MIR2052HG: variants seen among roughly 807,000 people sequenced by gnomAD.
The protein encoded by MIR2052HG is MIR2052 host gene.
chr8:74,603,506 T>C, intron 1 of MIR2052HG: 2 of 1,567,470 alleles, frequency 1.3e-6, no homozygotes, highest in Non-Finnish European at 1.8e-6. Flanking sequence ...TCGTTTGGAA[T>C]GGTAAGTTCA....
chr8:74,663,442 G>T (rs1808888448), intron 2 of MIR2052HG, among the ~76,000 whole-genome samples: 1 of 152,218 alleles, frequency 6.6e-6, no homozygotes, highest in Non-Finnish European at 1.5e-5. Flanking sequence ...AACTAAAATA[G>T]AATTCATGGT....
At chr8:74,637,925 A>C (rs190075563) in intron 2 of MIR2052HG, among the ~76,000 whole-genome samples, 10 of 152,134 alleles carry the variant, frequency 6.6e-5, no homozygotes, top group African/African-American at 2.4e-4. Flanking sequence ...TATGTGTTTG[A>C]CTCTAGGGAT....
At chr8:74,682,132 A>C (rs1809132144) in intron 2 of MIR2052HG, among the ~76,000 whole-genome samples, 1 of 152,172 alleles carries the variant, frequency 6.6e-6, no homozygotes, top group African/African-American at 2.4e-5. Flanking sequence ...CATGTTGTAC[A>C]CCTGAAATAC....
intron 4 of MIR2052HG, among the ~76,000 whole-genome samples, chr8:74,731,002 C>T (rs1166848919): frequency 6.6e-6 from 1 of 152,106 alleles, no homozygotes; most frequent in Non-Finnish European, 1.5e-5. Context: ...CTTATGACTA[C>T]CCATTGGTTC....
At chr8:74,713,967 G>A (rs1299452709) in intron 4 of MIR2052HG, among the ~76,000 whole-genome samples, 1 of 152,020 alleles carries the variant, frequency 6.6e-6, no homozygotes, top group African/African-American at 2.4e-5. Flanking sequence ...GGGGAACAGA[G>A]TTAAGAAAAG....
chr8:74,702,455 A>G (rs1458812546), exon 3 of MIR2052HG: 1 of 452,946 alleles, frequency 2.2e-6, no homozygotes, highest in Non-Finnish European at 4.4e-6. Flanking sequence ...GTTCTTTGCA[A>G]GGTAAGTCAG....
intron 4 of MIR2052HG, among the ~76,000 whole-genome samples, chr8:74,727,565 T>G (rs1809649432): frequency 6.6e-6 from 1 of 152,226 alleles, no homozygotes; most frequent in African/African-American, 2.4e-5. Flanking sequence ...AACGTGAACA[T>G]TTTTTAAATG....
chr8:74,679,619 G>A (rs1248389658), intron 2 of MIR2052HG, among the ~76,000 whole-genome samples: 3 of 151,276 alleles, frequency 2.0e-5, no homozygotes, highest in African/African-American at 7.3e-5. Flanking sequence ...TCTACCTCCT[G>A]GGTTCAAGCA....
chr8:74,675,037 T>G (rs1809035839), intron 2 of MIR2052HG, among the ~76,000 whole-genome samples: 1 of 152,126 alleles, frequency 6.6e-6, no homozygotes, highest in Admixed American at 6.6e-5. Context: ...GTATACACAT[T>G]TAATATTTTT....
chr8:74,726,147 C>T (rs957401929), intron 4 of MIR2052HG, among the ~76,000 whole-genome samples: 1 of 152,004 alleles, frequency 6.6e-6, no homozygotes, highest in Admixed American at 6.5e-5. Flanking sequence ...GAGCCAAAAT[C>T]GCGCCATTGC....
chr8:74,669,109 C>T (rs1037144845), intron 2 of MIR2052HG, among the ~76,000 whole-genome samples: 1 of 152,192 alleles, frequency 6.6e-6, no homozygotes. Flanking sequence ...AACATTTCTG[C>T]TTGCATTTCT....
intron 2 of MIR2052HG, among the ~76,000 whole-genome samples, chr8:74,687,832 G>A (rs58330177): frequency 6.6e-6 from 1 of 152,106 alleles, no homozygotes; most frequent in East Asian, 1.9e-4. Flanking sequence ...TTTATGTTAA[G>A]TATTCTTATC....
At chr8:74,660,348 A>C (rs1325992770) in intron 2 of MIR2052HG, among the ~76,000 whole-genome samples, 1 of 152,174 alleles carries the variant, frequency 6.6e-6, no homozygotes, top group Non-Finnish European at 1.5e-5. Context: ...GGCCCAGCTC[A>C]TTTTTTGAAC....
intron 2 of MIR2052HG, among the ~76,000 whole-genome samples, chr8:74,627,641 G>A (rs1008422902): frequency 6.6e-6 from 1 of 152,116 alleles, no homozygotes; most frequent in Non-Finnish European, 1.5e-5. Flanking sequence ...TGACAGGTAG[G>A]AGTAAAGTGA....
Position 74,750,425 on chromosome 8 carries a change from T to G in MIR2052HG, n.372-2016T>G, listed in dbSNP as rs188881561. 8.8e-3 allele frequency among the ~76,000 whole-genome samples: 1,339 copies of G among 152,310 alleles called. 8 individuals are homozygous for G. Among genetic ancestry groups the G allele is most frequent in the Admixed American group, 0.015 (228 of 15,282 alleles). ...ATCTGAGATGTGTAGTAATCATAGA[T>G]TTTACAATCATAAACTAATCTTACC... On this transcript the variant is annotated intron_variant and non_coding_transcript_variant, in intron 4 of 6. Transcript: ENST00000523442.
intron 2 of MIR2052HG, among the ~76,000 whole-genome samples, chr8:74,682,416 A>C (rs1809135536): frequency 6.6e-6 from 1 of 152,180 alleles, no homozygotes; most frequent in African/African-American, 2.4e-5. Context: ...TGTATCAATA[A>C]CATATAAAGA....
At chr8:74,695,708 G>T (rs962443877) in intron 2 of MIR2052HG, among the ~76,000 whole-genome samples, 1 of 151,666 alleles carries the variant, frequency 6.6e-6, no homozygotes, top group African/African-American at 2.4e-5. Flanking sequence ...AGTTAAAAAA[G>T]ACAAAGAAAG....
intron 2 of MIR2052HG, among the ~76,000 whole-genome samples, chr8:74,684,745 A>G (rs183472738): frequency 5.3e-5 from 8 of 152,258 alleles, no homozygotes; most frequent in Non-Finnish European, 7.4e-5. Flanking sequence ...AAATCAATAG[A>G]TTTCCTTGAT....
chr8:74,750,862 A>T (rs1015533526), intron 4 of MIR2052HG, among the ~76,000 whole-genome samples: 1 of 152,214 alleles, frequency 6.6e-6, no homozygotes, highest in East Asian at 1.9e-4. Context: ...AGTATCAAAG[A>T]TTTCATGAAA....
Sources: allele counts gnomAD v4.1 joint callset (sites outside exome capture counted in the v4.1 genomes callset), GRCh38; gene constraint gnomAD v4.1.1; transcripts MANE v1.5; gene names NCBI Gene and HGNC (gene_info 2026-07-23, HGNC 2026-07-21).